The following SKI variants were observed in gnomAD, a reference collection of about 807,000 sequenced individuals.
The protein encoded by SKI is ski oncogene.
In SKI, 23 loss-of-function variants were observed where a neutral mutation model predicts 59.3. That is an observed-to-expected ratio of 0.39 (90% confidence interval 0.28 to 0.55). SKI has a LOEUF of 0.55. SKI is among the 20% of genes least tolerant of loss of function. The pLI, the probability that SKI is intolerant of heterozygous loss-of-function variation, is 0.67. For missense variants in SKI, 1,017 were observed against 1,038.9 expected, an observed-to-expected ratio of 0.98 and a Z score of 0.29; for synonymous variants, 673 against 488.6, an observed-to-expected ratio of 1.38 and a Z score of -4.98.
At chr1:2,235,045 A>AT (rs34974355) in intron 1 of SKI, among the ~76,000 whole-genome samples, 57,004 of 135,300 alleles carry the variant, frequency 0.42, 12,076 homozygotes, top group East Asian at 0.64. Flanking sequence ...TTTTGTTGTT[A>AT]TTTTTTTTTT....
chr1:2,253,829 A>G (rs1429648391), intron 1 of SKI, among the ~76,000 whole-genome samples: 2 of 152,116 alleles, frequency 1.3e-5, no homozygotes, highest in Non-Finnish European at 2.9e-5. Flanking sequence ...GCCCACAGTG[A>G]CAGCAGAGGG....
chr1:2,248,375 C>A (rs778601744), intron 1 of SKI, among the ~76,000 whole-genome samples: 2 of 152,196 alleles, frequency 1.3e-5, no homozygotes, highest in South Asian at 2.1e-4. Flanking sequence ...CTTGGTGACC[C>A]GCTCTGCTCT....
intron 1 of SKI, among the ~76,000 whole-genome samples, chr1:2,262,854 C>G (rs947358353): frequency 2.6e-5 from 4 of 152,078 alleles, no homozygotes; most frequent in Admixed American, 2.0e-4. Context: ...GATAGCCCCC[C>G]TTCAGTCGTG....
chr1:2,273,806 G>T (rs775104667), intron 1 of SKI, among the ~76,000 whole-genome samples: 1 of 152,190 alleles, frequency 6.6e-6, no homozygotes, highest in African/African-American at 2.4e-5. Flanking sequence ...TTGGGAGCAC[G>T]GTGGCCCTCC....
intron 1 of SKI, among the ~76,000 whole-genome samples, chr1:2,265,923 G>A (rs958318420): frequency 1.3e-5 from 2 of 152,002 alleles, no homozygotes; most frequent in African/African-American, 4.8e-5. Flanking sequence ...AGCTTCAATC[G>A]CGCCACTGCA....
chr1:2,252,087 TGCACCCCCCGGTGA>T (rs1639163844), intron 1 of SKI, among the ~76,000 whole-genome samples: 1 of 152,136 alleles, frequency 6.6e-6, no homozygotes, highest in African/African-American at 2.4e-5. Flanking sequence ...CAGGTCTCTG[TGCACCCCCCGGTGA>T]GAGATCTGAG....
chr1:2,274,665 C>T lies in SKI; in HGVS notation c.970-28313C>T, dbSNP rs571210432. 9.8e-5 allele frequency among the ~76,000 whole-genome samples: 15 copies of T among 152,374 alleles called. No individual in the cohort carries two copies. The East Asian group carries it at 2.9e-3, about 29-fold the overall frequency. On this transcript the variant is annotated intron_variant, in intron 1 of 6. Transcript: ENST00000378536. ...GCTGGAGCCTCATAGCGGGCAGATA[C>T]TGCCCCCTGGCCATGAGCCATGACA...
At chr1:2,293,331 C>G (rs879433382) in intron 1 of SKI, among the ~76,000 whole-genome samples, 14 of 152,046 alleles carry the variant, frequency 9.2e-5, no homozygotes, top group Non-Finnish European at 1.9e-4. Context: ...GGAGCAGTCA[C>G]GGGCCCTGAG....
At chr1:2,280,043 G>C (rs1639837376) in intron 1 of SKI, among the ~76,000 whole-genome samples, 1 of 152,168 alleles carries the variant, frequency 6.6e-6, no homozygotes, top group Admixed American at 6.5e-5. Flanking sequence ...CGAAAATTCT[G>C]AGTCTGCCTT....
At chr1:2,279,501 C>T (rs1639824663) in intron 1 of SKI, among the ~76,000 whole-genome samples, 1 of 152,186 alleles carries the variant, frequency 6.6e-6, no homozygotes, top group African/African-American at 2.4e-5. Context: ...CTGGGCTTGC[C>T]AGGAATGTAG....
chr1:2,236,136 G>C (rs962253861), intron 1 of SKI, among the ~76,000 whole-genome samples: 1 of 152,188 alleles, frequency 6.6e-6, no homozygotes, highest in Non-Finnish European at 1.5e-5. Context: ...TCTTGGGCTG[G>C]CACACCTGGC....
At chr1:2,234,020 C>T (rs1569673722) in intron 1 of SKI, among the ~76,000 whole-genome samples, 1 of 152,200 alleles carries the variant, frequency 6.6e-6, no homozygotes, top group Non-Finnish European at 1.5e-5. Context: ...TCCAGCTTTT[C>T]GTGGGGTTCC....
At chr1:2,237,937 G>A (rs1275653615) in intron 1 of SKI, among the ~76,000 whole-genome samples, 1 of 152,238 alleles carries the variant, frequency 6.6e-6, no homozygotes, top group Non-Finnish European at 1.5e-5. Flanking sequence ...TACTTAAGGA[G>A]TCCAACGGGC....
chr1:2,304,491 C>G lies in SKI; in HGVS notation c.1673C>G (p.Ala558Gly), dbSNP rs1164760321. Residue 558 changes from alanine (A) to glycine (G), a missense_variant, in exon 5 of 7, where the codon GCC becomes GGC. Transcript: ENST00000378536. ...ALEGGLDTKE[A>G]KEKFLHEVVK... ...GAGGGCGGCCTGGACACCAAGGAAG[C>G]CAAAGAGAAGTTCCTGCATGAGGTG... 2 of 1,579,344 alleles carry G rather than the reference C, an allele frequency of 1.3e-6. No individual in the cohort carries two copies. Among genetic ancestry groups the G allele is most frequent in the Non-Finnish European group, 1.7e-6 (2 of 1,164,190 alleles).
In SKI at chr1:2,303,201, G is replaced by T; in HGVS notation, c.1096-84G>T. 1 of 1,600,638 alleles carries T rather than the reference G, an allele frequency of 6.2e-7. No homozygotes were observed. The highest frequency in any genetic ancestry group is 8.5e-7 in the Non-Finnish European group (1 of 1,169,992). The stretch of plus-strand genomic sequence containing the variant: ...GGCAGCTCCACCTGCCCGCTACTGA[G>T]GGCTGGCACCCGGCGCAGCCTCAGG... On this transcript the variant is annotated intron_variant, in intron 2 of 6. Coordinates refer to ENST00000378536, the MANE Select transcript of SKI (RefSeq NM_003036.4). The surrounding 1 kb of genome is among the most constrained non-coding windows in gnomAD (Gnocchi z 5.6).
At position 2,229,780 on chromosome 1, in the gene SKI, T is replaced by C; in HGVS notation, c.969+45T>C. The C allele has an allele frequency of 1.9e-6, 3 of 1,549,388 alleles. No individual in the cohort carries two copies. Among genetic ancestry groups the C allele is most frequent in the Non-Finnish European group, 2.6e-6 (3 of 1,146,846 alleles). Reference sequence around the variant, plus strand: ...GGAGCTGGGGAGGATGCGCTTGGGGTGGGGGCCCCTTCTGGACTACAGGCT... The same window carrying C: ...GGAGCTGGGGAGGATGCGCTTGGGGCGGGGGCCCCTTCTGGACTACAGGCT... On this transcript the variant is annotated intron_variant, in intron 1 of 6. Coordinates refer to ENST00000378536, the MANE Select transcript of SKI (RefSeq NM_003036.4). This position sits in a 1 kb window ranked among gnomAD's most constrained non-coding sequence, Gnocchi z 6.3.
At position 2,302,142 on chromosome 1, in the gene SKI, G is replaced by A. The variant is rs369047769; in HGVS notation, c.970-836G>A. The stretch of plus-strand genomic sequence containing the variant: ...CCACATCACTCACTGGCTCTTGGGG[G>A]ATGTGCCTCAGCACCTGACACACAA... On this transcript the variant is annotated intron_variant, in intron 1 of 6. Transcript: ENST00000378536. Among the ~76,000 whole-genome samples, 23 of 152,318 alleles carry A rather than the reference G, an allele frequency of 1.5e-4. No individual in the cohort carries two copies. The South Asian group carries it at 4.6e-3, about 30-fold the overall frequency.
At chr1:2,257,465 T>C (rs1240295185) in intron 1 of SKI, among the ~76,000 whole-genome samples, 1 of 152,240 alleles carries the variant, frequency 6.6e-6, no homozygotes, top group Non-Finnish European at 1.5e-5. Context: ...CGCGTCGGCG[T>C]GGCTCCCTAG....
At chr1:2,291,582 A>G (rs1209457780) in intron 1 of SKI, among the ~76,000 whole-genome samples, 1 of 152,090 alleles carries the variant, frequency 6.6e-6, no homozygotes, top group Non-Finnish European at 1.5e-5. Context: ...CAGCAGCTGG[A>G]CCAGAACAGA....
Sources: allele counts gnomAD v4.1 joint callset (sites outside exome capture counted in the v4.1 genomes callset), GRCh38; gene constraint gnomAD v4.1.1; non-coding constraint Gnocchi (gnomAD v3.1); transcripts MANE v1.5; gene names NCBI Gene and HGNC (gene_info 2026-07-23, HGNC 2026-07-21).